The following DLG2 variants were observed in gnomAD, a reference collection of about 807,000 sequenced individuals.
DLG2 encodes disks large homolog 2.
DLG2 carries 45 observed loss-of-function variants against 132.5 expected under a neutral mutation model. The ratio of observed to expected loss-of-function variants is 0.34; its 90% confidence interval spans 0.27 to 0.44. The LOEUF (loss-of-function observed/expected upper bound fraction) is 0.44, where lower values mean the gene tolerates loss of function less well. DLG2 is among the 20% of genes least tolerant of loss of function. DLG2 has a pLI of 1.00. For missense variants in DLG2, 1,045 were observed against 1,196.9 expected (o/e 0.87, Z 1.87); for synonymous variants, 424 against 419.6 (o/e 1.01, Z -0.13).
intron 4 of DLG2, among the ~76,000 whole-genome samples, chr11:85,259,468 T>C (rs533202376): frequency 6.6e-6 from 1 of 152,118 alleles, no homozygotes; most frequent in Non-Finnish European, 1.5e-5. Context: ...TAATATACTG[T>C]GTTGCCTTAC....
chr11:85,040,994 T>C (rs935879744), intron 6 of DLG2, among the ~76,000 whole-genome samples: 1 of 151,854 alleles, frequency 6.6e-6, no homozygotes, highest in Non-Finnish European at 1.5e-5. Context: ...AACTATTACA[T>C]TATATTGCCT....
chr11:84,300,046 G>T (rs1180743521), intron 7 of DLG2, among the ~76,000 whole-genome samples: 2 of 151,962 alleles, frequency 1.3e-5, no homozygotes, highest in Non-Finnish European at 2.9e-5. Context: ...TTTGATTTTG[G>T]GTGGAGGCTG....
Position 83,626,572 on chromosome 11 carries a change from G to T in DLG2, c.1940+6639C>A, listed in dbSNP as rs552670088. On this transcript the variant is annotated intron_variant, in intron 19 of 27. Coordinates refer to ENST00000376104, the MANE Select transcript of DLG2 (RefSeq NM_001142699.3). Reference sequence around the variant, plus strand: ...TTACATAGCCTTTGAGGCAAAAACTGTCTCAGGTAGTAGCAACTTTGAGTA... The same window carrying T: ...TTACATAGCCTTTGAGGCAAAAACTTTCTCAGGTAGTAGCAACTTTGAGTA... Among the ~76,000 whole-genome samples, 3 of 152,284 alleles carry T rather than the reference G, an allele frequency of 2.0e-5. No individual in the cohort carries two copies. The East Asian group carries it at 5.8e-4, about 29-fold the overall frequency.
chr11:85,194,277 A>T (rs1457843528), intron 4 of DLG2, among the ~76,000 whole-genome samples: 2 of 152,128 alleles, frequency 1.3e-5, no homozygotes, highest in African/African-American at 4.8e-5. Context: ...TTCTCGTAAG[A>T]AGTCCTTTCC....
At chr11:83,870,895 C>G (rs1315863128) in intron 16 of DLG2, among the ~76,000 whole-genome samples, 1 of 152,120 alleles carries the variant, frequency 6.6e-6, no homozygotes, top group African/African-American at 2.4e-5. Context: ...TGGGTGGCAA[C>G]TCGGGAGACA....
intron 7 of DLG2, among the ~76,000 whole-genome samples, chr11:84,342,756 G>T (rs1467624517): frequency 1.3e-5 from 2 of 152,128 alleles, no homozygotes; most frequent in East Asian, 3.9e-4. Context: ...TCAGGGAAAA[G>T]AAAGAGTTTG....
In DLG2 at chr11:84,117,831, G is replaced by A. The variant is rs767904251; in HGVS notation, c.625-18784C>T. On this transcript the variant is annotated intron_variant, in intron 9 of 27. Transcript: ENST00000376104. ...CTTTATTTTTATTGATATTATTATC[G>A]TAAGCATTTTATAGGCTTTATTTAT... Among the ~76,000 whole-genome samples the A allele has an allele frequency of 4.0e-5, 6 of 151,850 alleles. No homozygotes were observed. In the East Asian group the frequency reaches 7.7e-4, roughly 20 times the overall value.
chr11:84,214,392 A>G (rs71468370), intron 8 of DLG2, among the ~76,000 whole-genome samples: 6,001 of 150,720 alleles, frequency 0.04, 182 homozygotes, highest in Middle Eastern at 0.064. Context: ...TGTTTTATAT[A>G]TGTGTAAACA....
chr11:84,833,109 G>C (rs2079252295), intron 6 of DLG2, among the ~76,000 whole-genome samples: 1 of 151,526 alleles, frequency 6.6e-6, no homozygotes, highest in Non-Finnish European at 1.5e-5. Context: ...CACTCCCAAA[G>C]AAGGTAATTG....
At chr11:84,931,343 C>T (rs1317695532) in intron 6 of DLG2, among the ~76,000 whole-genome samples, 9 of 152,022 alleles carry the variant, frequency 5.9e-5, no homozygotes, top group Non-Finnish European at 1.0e-4. Flanking sequence ...AATTGAATGT[C>T]TTTGTGTCAT....
chr11:84,503,535 G>A (rs1460957223), intron 7 of DLG2, among the ~76,000 whole-genome samples: 1 of 152,142 alleles, frequency 6.6e-6, no homozygotes, highest in Non-Finnish European at 1.5e-5. Flanking sequence ...AAGCTTCTTG[G>A]CTTTCCATAG....
At chr11:84,190,545 A>G (rs2096387098) in intron 8 of DLG2, among the ~76,000 whole-genome samples, 1 of 152,210 alleles carries the variant, frequency 6.6e-6, no homozygotes, top group Non-Finnish European at 1.5e-5. Context: ...TGTTGCATAC[A>G]TAAGTTTGCT....
intron 3 of DLG2, among the ~76,000 whole-genome samples, chr11:85,468,315 G>C (rs904003777): frequency 6.6e-6 from 1 of 152,082 alleles, no homozygotes; most frequent in Non-Finnish European, 1.5e-5. Context: ...ATCTCCTTCA[G>C]TTCTGCTCTG....
At chr11:83,878,867 G>A (rs1000852117) in intron 15 of DLG2, among the ~76,000 whole-genome samples, 2 of 152,124 alleles carry the variant, frequency 1.3e-5, no homozygotes, top group Non-Finnish European at 2.9e-5. Flanking sequence ...ACTAAATTGG[G>A]CAACTGTGGA....
rs563222776 is a variant in DLG2, at chr11:84,516,138, T to C, written c.519+18432A>G. ...TAAATGTCTACATCAAAAAAAAAGA[T>C]CTCAAATAAATAACCTAATACACCT... On this transcript the variant is annotated intron_variant, in intron 7 of 27. Transcript: ENST00000376104. Among the ~76,000 whole-genome samples, 33 of 146,046 alleles carry C rather than the reference T, an allele frequency of 2.3e-4. No individual in the cohort carries two copies. In the East Asian group the frequency reaches 3.0e-3, roughly 13 times the overall value.
chr11:83,562,825 C>G (rs2096634909), intron 19 of DLG2, among the ~76,000 whole-genome samples: 1 of 152,006 alleles, frequency 6.6e-6, no homozygotes. Context: ...TAATATGGAA[C>G]AAATCTGGAT....
intron 11 of DLG2, among the ~76,000 whole-genome samples, chr11:84,030,508 G>A (rs2095662302): frequency 6.6e-6 from 1 of 152,068 alleles, no homozygotes; most frequent in African/African-American, 2.4e-5. Flanking sequence ...GGAAGGTGAA[G>A]TTGAAGAAAC....
At chr11:84,130,421 C>T (rs1376455023) in intron 9 of DLG2, among the ~76,000 whole-genome samples, 1 of 151,376 alleles carries the variant, frequency 6.6e-6, no homozygotes, top group Non-Finnish European at 1.5e-5. Context: ...AGCACAGTGG[C>T]TACACAGGGT....
At chr11:83,994,288 C>T (rs930176133) in intron 11 of DLG2, among the ~76,000 whole-genome samples, 1 of 152,182 alleles carries the variant, frequency 6.6e-6, no homozygotes, top group Non-Finnish European at 1.5e-5. Context: ...GTAGGAATAT[C>T]TCATTCCCCC....
Sources: allele counts gnomAD v4.1 joint callset (sites outside exome capture counted in the v4.1 genomes callset), GRCh38; gene constraint gnomAD v4.1.1; transcripts MANE v1.5; gene names NCBI Gene and HGNC (gene_info 2026-07-23, HGNC 2026-07-21).